The following GULP1 variants were observed in gnomAD, a reference collection of about 807,000 sequenced individuals.
GULP1 encodes the protein GULP PTB domain containing engulfment adaptor 1.
Under a neutral mutation model 40.9 loss-of-function variants are expected in GULP1, and 19 were observed. The ratio of observed to expected loss-of-function variants is 0.46; its 90% CI spans 0.32 to 0.68. The LOEUF (loss-of-function observed/expected upper bound fraction) is 0.68, where lower values mean the gene tolerates loss of function less well. Ranked by LOEUF, GULP1 falls within the 30% of genes least tolerant of loss-of-function variation. The pLI, the probability that GULP1 is intolerant of heterozygous loss-of-function variation, is 0.03. For synonymous variants in GULP1, 119 were observed against 117.6 expected, an observed-to-expected ratio of 1.01 and a Z score of -0.08; for missense variants, 312 against 362.2, an observed-to-expected ratio of 0.86 and a Z score of 1.12.
intron 2 of GULP1, among the ~76,000 whole-genome samples, chr2:188,387,612 T>C (rs555247014): frequency 6.6e-6 from 1 of 152,194 alleles, no homozygotes; most frequent in Admixed American, 6.5e-5. Flanking sequence ...ACCACTTGAG[T>C]TGTGCTTTTT....
At position 188,426,735 on chromosome 2, in the gene GULP1, C is replaced by T. The variant is rs546772990; in HGVS notation, c.-45+42846C>T. 1.1e-4 allele frequency among the ~76,000 whole-genome samples: 16 copies of T among 152,230 alleles called. No individual in the cohort carries two copies. In the South Asian group the frequency reaches 2.3e-3, roughly 22 times the overall value. On this transcript the variant is annotated intron_variant, in intron 2 of 11. Coordinates refer to ENST00000409830, the MANE Select transcript of GULP1 (RefSeq NM_016315.4). Reference sequence around the variant, plus strand: ...GAGTTTCTTTATAGCAATGTGAGAACAGACTAATACAGAAAGTTGGTACTG... The same window carrying T: ...GAGTTTCTTTATAGCAATGTGAGAATAGACTAATACAGAAAGTTGGTACTG...
intron 2 of GULP1, among the ~76,000 whole-genome samples, chr2:188,396,203 A>G (rs1023903011): frequency 6.6e-6 from 1 of 152,288 alleles, no homozygotes; most frequent in African/African-American, 2.4e-5. Flanking sequence ...CTGGTTTCTT[A>G]GGCAATTGGT....
chr2:188,534,468 A>G (rs530840415), intron 6 of GULP1, among the ~76,000 whole-genome samples: 131 of 152,100 alleles, frequency 8.6e-4, no homozygotes, highest in African/African-American at 3.1e-3. Flanking sequence ...ATGCAACAGT[A>G]GTTTCTGGGG....
chr2:188,298,760 A>C (rs564538827), intron 1 of GULP1, among the ~76,000 whole-genome samples: 11 of 152,310 alleles, frequency 7.2e-5, no homozygotes, highest in African/African-American at 7.2e-5. Context: ...TTCATGATCA[A>C]TTTGGAAAAA....
chr2:188,394,073 G>A (rs2050891952), intron 2 of GULP1, among the ~76,000 whole-genome samples: 1 of 151,982 alleles, frequency 6.6e-6, no homozygotes, highest in African/African-American at 2.4e-5. Flanking sequence ...CTAAATCTCT[G>A]GCAAGGCCAG....
At chr2:188,299,499 A>G (rs1292575733) in intron 1 of GULP1, among the ~76,000 whole-genome samples, 1 of 152,192 alleles carries the variant, frequency 6.6e-6, no homozygotes, top group Non-Finnish European at 1.5e-5. Context: ...CTTAATATAC[A>G]TTTGAAGTCT....
chr2:188,518,622 T>G (rs2065425153), intron 4 of GULP1, among the ~76,000 whole-genome samples: 1 of 152,126 alleles, frequency 6.6e-6, no homozygotes, highest in South Asian at 2.1e-4. Flanking sequence ...TGTGAGTCAT[T>G]ACCAGCAAAG....
At chr2:188,470,924 C>T (rs1027285882) in intron 2 of GULP1, among the ~76,000 whole-genome samples, 1 of 152,080 alleles carries the variant, frequency 6.6e-6, no homozygotes, top group Non-Finnish European at 1.5e-5. Context: ...CTGTTACCTC[C>T]ATTTTGTCTA....
intron 2 of GULP1, among the ~76,000 whole-genome samples, chr2:188,417,472 A>G (rs929604072): frequency 4.6e-5 from 7 of 152,218 alleles, no homozygotes; most frequent in East Asian, 1.9e-4. Context: ...ACTATGTACT[A>G]TAAGTTATTC....
chr2:188,472,889 G>A (rs1344442486), intron 2 of GULP1, among the ~76,000 whole-genome samples: 2 of 152,152 alleles, frequency 1.3e-5, no homozygotes, highest in African/African-American at 4.8e-5. Flanking sequence ...GGTATTTATT[G>A]TAGTCTTTGC....
chr2:188,423,348 TAGAC>T (rs1184766346), intron 2 of GULP1, among the ~76,000 whole-genome samples: 1 of 152,012 alleles, frequency 6.6e-6, no homozygotes, highest in Non-Finnish European at 1.5e-5. Flanking sequence ...AAAATTAAAT[TAGAC>T]AGTATATGAT....
At chr2:188,325,514 G>A (rs1463612706) in intron 1 of GULP1, among the ~76,000 whole-genome samples, 1 of 152,008 alleles carries the variant, frequency 6.6e-6, no homozygotes, top group African/African-American at 2.4e-5. Flanking sequence ...GATTTGGGTG[G>A]TGATAATAAA....
chr2:188,480,321 C>T (rs766105513), intron 3 of GULP1, among the ~76,000 whole-genome samples: 3 of 151,960 alleles, frequency 2.0e-5, no homozygotes, highest in Non-Finnish European at 4.4e-5. Context: ...GCAAGGTGGT[C>T]TTCTATCAGT....
At chr2:188,514,084 C>T (rs200035359) in intron 4 of GULP1, among the ~76,000 whole-genome samples, 3,810 of 36,210 alleles carry the variant, frequency 0.11, 78 homozygotes, top group East Asian at 0.26. Context: ...TGTGTGTGTG[C>T]GCCCTGCCAC....
intron 6 of GULP1, among the ~76,000 whole-genome samples, chr2:188,531,933 C>G (rs941222258): frequency 7.2e-5 from 11 of 152,012 alleles, no homozygotes; most frequent in Non-Finnish European, 1.6e-4. Flanking sequence ...TATTTGTAGG[C>G]CATGCTTATG....
intron 7 of GULP1, among the ~76,000 whole-genome samples, chr2:188,566,197 C>A (rs529008900): frequency 6.6e-6 from 1 of 152,034 alleles, no homozygotes; most frequent in East Asian, 1.9e-4. Flanking sequence ...AGTCAGAAAT[C>A]TGGATTTAAA....
At chr2:188,437,453 A>G (rs2057513684) in intron 2 of GULP1, among the ~76,000 whole-genome samples, 1 of 152,114 alleles carries the variant, frequency 6.6e-6, no homozygotes, top group African/African-American at 2.4e-5. Flanking sequence ...TGGACTTGTA[A>G]GTTACATCAG....
chr2:188,364,392 A>G (rs956651907), intron 1 of GULP1, among the ~76,000 whole-genome samples: 3 of 152,164 alleles, frequency 2.0e-5, no homozygotes, highest in Non-Finnish European at 4.4e-5. Flanking sequence ...TCAGAATACT[A>G]CCACGCTCAT....
intron 1 of GULP1, among the ~76,000 whole-genome samples, chr2:188,311,173 C>T (rs559674630): frequency 1.3e-5 from 2 of 152,186 alleles, no homozygotes; most frequent in South Asian, 2.1e-4. Flanking sequence ...AATAATATTT[C>T]TGCAGTTGGT....
Sources: allele counts gnomAD v4.1 joint callset (sites outside exome capture counted in the v4.1 genomes callset), GRCh38; gene constraint gnomAD v4.1.1; transcripts MANE v1.5; gene names NCBI Gene and HGNC (gene_info 2026-07-23, HGNC 2026-07-21).